Variants in MERTK observed in about 807,000 individuals in gnomAD.
The protein encoded by MERTK is MER proto-oncogene, tyrosine kinase.
Under a neutral mutation model 99.3 loss-of-function variants are expected in MERTK, and 69 were observed. The ratio of observed to expected loss-of-function variants is 0.70; its 90% confidence interval spans 0.57 to 0.85. The LOEUF is 0.85. Among genes scored for constraint, MERTK ranks in the 40% least tolerant of loss-of-function variants. The pLI, the probability that MERTK is intolerant of heterozygous loss-of-function variation, is 0.00. For missense variants in MERTK, 1,125 were observed against 1,249.4 expected (o/e 0.90, Z 1.50); for synonymous variants, 426 against 467.6 (o/e 0.91, Z 1.15).
chr2:112,004,487 C>T (rs1427502705), intron 13 of MERTK, among the ~76,000 whole-genome samples: 1 of 152,158 alleles, frequency 6.6e-6, no homozygotes, highest in Admixed American at 6.5e-5. Flanking sequence ...TTGGTCAAGG[C>T]ATATGAAGAG....
intron 9 of MERTK, chr2:111,994,612 AT>A: frequency 1.5e-6 from 1 of 676,164 alleles, no homozygotes; most frequent in Non-Finnish European, 2.7e-6. Flanking sequence ...TCTACAAAAA[AT>A]ATATGTATTT....
chr2:111,944,161 A>T (rs953154228), intron 2 of MERTK, among the ~76,000 whole-genome samples: 1 of 152,100 alleles, frequency 6.6e-6, no homozygotes, highest in Non-Finnish European at 1.5e-5. Flanking sequence ...TTAATCGGGC[A>T]TGGTGGCGCA....
rs200168355 is a variant in MERTK at position 111,964,368 on chromosome 2, C to CGTGTGTGTGTGT, written c.758-803_758-792dup. On this transcript the variant is annotated intron_variant, in intron 4 of 18. Coordinates refer to ENST00000295408, the MANE Select transcript of MERTK (RefSeq NM_006343.3). ...TCTTTGACATGCCCCATCATTGTCT[C>CGTGTGTGTGTGT]GTGTGTGTGTGTGTGTGTGTGTGTG... Among the ~76,000 whole-genome samples the CGTGTGTGTGTGT allele has an allele frequency of 9.9e-5, 14 of 141,278 alleles. No individual in the cohort carries two copies. The East Asian group carries it at 1.2e-3, about 13-fold the overall frequency. 92.7% of individuals were successfully genotyped at this position (141,278 alleles called of 152,430 possible).
chr2:111,937,542 T>C (rs1259683624), intron 2 of MERTK, among the ~76,000 whole-genome samples: 1 of 152,172 alleles, frequency 6.6e-6, no homozygotes, highest in Non-Finnish European at 1.5e-5. Flanking sequence ...AGGCTCCTGG[T>C]ACTGTGGATG....
intron 2 of MERTK, among the ~76,000 whole-genome samples, chr2:111,939,473 G>A (rs541500734): frequency 6.6e-6 from 1 of 151,794 alleles, no homozygotes; most frequent in South Asian, 2.1e-4. Flanking sequence ...TAAGGACTTA[G>A]CACTTAATTA....
intron 1 of MERTK, among the ~76,000 whole-genome samples, chr2:111,915,937 G>A (rs1684342323): frequency 6.6e-6 from 1 of 152,094 alleles, no homozygotes. Flanking sequence ...CAAGTGTTGA[G>A]AATTTCTATT....
intron 1 of MERTK, among the ~76,000 whole-genome samples, chr2:111,910,799 G>T (rs1684232956): frequency 6.6e-6 from 1 of 152,056 alleles, no homozygotes; most frequent in South Asian, 2.1e-4. Flanking sequence ...TGATTTTGTA[G>T]AAGTAAAAAG....
intron 15 of MERTK, among the ~76,000 whole-genome samples, chr2:112,014,714 C>A (rs569569768): frequency 5.3e-5 from 8 of 151,950 alleles, no homozygotes. Flanking sequence ...TGGCTCACTG[C>A]CACCTATGCC....
intron 11 of MERTK, among the ~76,000 whole-genome samples, 198 bp downstream of exon 11, chr2:112,001,484 C>A (rs906014597): frequency 4.6e-5 from 7 of 152,168 alleles, no homozygotes; most frequent in African/African-American, 1.7e-4. Context: ...TTACTGCAAT[C>A]AGGAGCTTGA....
chr2:111,980,138 T>C (rs914683769), intron 7 of MERTK, among the ~76,000 whole-genome samples: 6 of 152,198 alleles, frequency 3.9e-5, no homozygotes, highest in African/African-American at 1.4e-4. Context: ...AGAAAAGAAG[T>C]GTCCTGCTCC....
chr2:111,908,323 A>T (rs1296676017), intron 1 of MERTK, among the ~76,000 whole-genome samples: 1 of 152,134 alleles, frequency 6.6e-6, no homozygotes, highest in Non-Finnish European at 1.5e-5. Context: ...GCTACTCTTT[A>T]TACTCACATC....
intron 1 of MERTK, among the ~76,000 whole-genome samples, chr2:111,925,895 C>T (rs572946776): frequency 8.0e-5 from 12 of 150,902 alleles, no homozygotes; most frequent in Admixed American, 4.6e-4. Flanking sequence ...TACAGTGGCG[C>T]GATCTCGGCT....
At chr2:111,903,152 T>A (rs571045844) in intron 1 of MERTK, among the ~76,000 whole-genome samples, 4 of 152,298 alleles carry the variant, frequency 2.6e-5, no homozygotes, top group African/African-American at 9.6e-5. Flanking sequence ...AGGGCTGCTG[T>A]CTTTTTCACT....
chr2:111,978,169 G>A (rs1006082705), intron 7 of MERTK, among the ~76,000 whole-genome samples: 16 of 146,160 alleles, frequency 1.1e-4, no homozygotes, highest in African/African-American at 3.6e-4. Context: ...TTTTTTTTGA[G>A]ATGGAGTTTC....
At chr2:111,990,750 T>A (rs895006653) in intron 8 of MERTK, among the ~76,000 whole-genome samples, 1 of 152,214 alleles carries the variant, frequency 6.6e-6, no homozygotes, top group Non-Finnish European at 1.5e-5. Context: ...AGCATTTCCT[T>A]TGTGTCATGT....
intron 15 of MERTK, among the ~76,000 whole-genome samples, chr2:112,019,160 A>G (rs1024933788): frequency 6.6e-5 from 10 of 152,184 alleles, no homozygotes; most frequent in South Asian, 2.1e-4. Context: ...AAAAGAAACA[A>G]TGTCATTCAC....
rs1685339359 is a variant in MERTK at position 111,965,297 on chromosome 2, T to TC, written c.844+24dup. 6.2e-7 allele frequency: 1 copy of TC among 1,612,222 alleles called. No homozygotes were observed. The highest frequency in any genetic ancestry group is 1.7e-4 in the Middle Eastern group (1 of 6,042). On this transcript the variant is annotated intron_variant, in intron 5 of 18. Coordinates refer to ENST00000295408, the MANE Select transcript of MERTK (RefSeq NM_006343.3). ...TCAAAGGTAAGCAGCAAGGCTAGGC[T>TC]CCCCATGCATGTTCTGGGAGCTGGT...
intron 9 of MERTK, chr2:111,996,024 T>C (rs1676728165): frequency 6.5e-6 from 1 of 153,764 alleles, no homozygotes; most frequent in Non-Finnish European, 1.5e-5. Context: ...AAAATTGGAG[T>C]TTAGGCTGGG....
chr2:111,950,981 G>A (rs1416329356), intron 4 of MERTK, among the ~76,000 whole-genome samples: 4 of 151,924 alleles, frequency 2.6e-5, no homozygotes, highest in African/African-American at 9.7e-5. Flanking sequence ...GGTCTTACAA[G>A]TCATTTGTTA....
Sources: gnomAD v4.1 joint callset for allele counts (sites outside exome capture counted in the v4.1 genomes callset) on GRCh38, gnomAD v4.1.1 for gene constraint, MANE v1.5 for transcripts, NCBI Gene and HGNC (gene_info 2026-07-23, HGNC 2026-07-21) for gene names.